STIM1: variants seen among roughly 807,000 people sequenced by gnomAD.
STIM1 encodes the protein stromal interaction molecule 1.
In STIM1, 25 loss-of-function variants were observed where a neutral mutation model predicts 74.7. The ratio of observed to expected loss-of-function variants is 0.33; its 90% CI spans 0.24 to 0.47. STIM1 has a LOEUF of 0.47. Ranked by LOEUF, STIM1 falls within the 20% of genes least tolerant of loss-of-function variation. STIM1 has a pLI of 1.00. For missense variants in STIM1, 728 were observed against 920.8 expected, an observed-to-expected ratio of 0.79 and a Z score of 2.71; for synonymous variants, 328 against 348.8, an observed-to-expected ratio of 0.94 and a Z score of 0.66.
At chr11:3,863,219 C>CGT (rs1565093734) in intron 1 of STIM1, among the ~76,000 whole-genome samples, 4 of 103,854 alleles carry the variant, frequency 3.9e-5, no homozygotes, top group African/African-American at 4.0e-5. Flanking sequence ...TGAGACAATG[C>CGT]ATGTGTGTGT....
At chr11:3,966,733 A>G (rs2093343927) in intron 1 of STIM1, among the ~76,000 whole-genome samples, 1 of 152,216 alleles carries the variant, frequency 6.6e-6, no homozygotes, top group African/African-American at 2.4e-5. Context: ...CCTAGATCAT[A>G]TGGTAGAGCT....
In STIM1 at chr11:3,878,663, T is replaced by G. The variant is rs148648451; in HGVS notation, c.139+22254T>G. On this transcript the variant is annotated intron_variant, in intron 1 of 12. Coordinates refer to ENST00000526596, the MANE Select transcript of STIM1 (RefSeq NM_001382567.1). ...GCAAATGGAAGAGCTGGGATTCAAATGCAGAGTCATGAGAGCAGGGCTTAT... is the reference window on the plus strand; with the variant it reads ...GCAAATGGAAGAGCTGGGATTCAAAGGCAGAGTCATGAGAGCAGGGCTTAT... 5.1e-3 allele frequency among the ~76,000 whole-genome samples: 779 copies of G among 152,308 alleles called. 4 individuals carry two copies. The highest frequency in any genetic ancestry group is 9.3e-3 in the Admixed American group (142 of 15,304).
intron 1 of STIM1, among the ~76,000 whole-genome samples, chr11:3,917,706 CT>C (rs1031791352): frequency 1.3e-5 from 2 of 152,024 alleles, no homozygotes; most frequent in African/African-American, 4.8e-5. Flanking sequence ...AGTGTTGGGA[CT>C]GCAGGTGTGA....
chr11:4,082,415 T>G (rs939119080), intron 8 of STIM1, 64 bp downstream of exon 8: 1 of 1,474,606 alleles, frequency 6.8e-7, no homozygotes, highest in Non-Finnish European at 9.3e-7. Flanking sequence ...TACCTGCATA[T>G]CTTCCTCTTC....
intron 1 of STIM1, among the ~76,000 whole-genome samples, chr11:3,919,235 C>A (rs545329860): frequency 3.9e-5 from 6 of 152,152 alleles, no homozygotes; most frequent in African/African-American, 1.4e-4. Flanking sequence ...GATGGAGTTT[C>A]GCTCTTACTG....
At chr11:3,877,095 C>T (rs533555165) in intron 1 of STIM1, among the ~76,000 whole-genome samples, 21 of 144,488 alleles carry the variant, frequency 1.5e-4, no homozygotes, top group South Asian at 4.3e-4. Flanking sequence ...TTACAGTAAG[C>T]GCTTAAGGAA....
chr11:3,876,197 T>C (rs1314830470), intron 1 of STIM1, among the ~76,000 whole-genome samples: 3 of 152,250 alleles, frequency 2.0e-5, no homozygotes, highest in African/African-American at 7.2e-5. Flanking sequence ...ATTGTCATAC[T>C]TAGTGGGTGG....
intron 1 of STIM1, among the ~76,000 whole-genome samples, chr11:3,889,351 G>A (rs557835630): frequency 3.7e-4 from 56 of 150,266 alleles, no homozygotes; most frequent in African/African-American, 1.1e-3. Context: ...TGTGTTAAGT[G>A]CTTTCACAGA....
chr11:3,997,358 TTTA>T (rs1237298618), intron 2 of STIM1, among the ~76,000 whole-genome samples: 3 of 152,204 alleles, frequency 2.0e-5, no homozygotes, highest in African/African-American at 7.2e-5. Flanking sequence ...GACACTATAA[TTTA>T]TTAAGTGGAT....
chr11:3,993,167 C>A (rs1352103275), intron 2 of STIM1, among the ~76,000 whole-genome samples: 1 of 152,064 alleles, frequency 6.6e-6, no homozygotes, highest in Admixed American at 6.6e-5. Flanking sequence ...TAGCAAGGCC[C>A]TCTGTGATCT....
At chr11:3,943,015 A>G (rs2093029573) in intron 1 of STIM1, among the ~76,000 whole-genome samples, 1 of 152,166 alleles carries the variant, frequency 6.6e-6, no homozygotes, top group South Asian at 2.1e-4. Flanking sequence ...ATCATTGTTA[A>G]AGCAACCAGG....
chr11:4,061,891 A>G (rs10835557), intron 5 of STIM1, among the ~76,000 whole-genome samples: 37,615 of 152,136 alleles, frequency 0.25, 5,655 homozygotes, highest in South Asian at 0.44. Context: ...ACAAAAGATC[A>G]CATATTATAT....
chr11:4,059,432 A>G lies in STIM1; in HGVS notation c.613+36A>G, dbSNP rs772409394. 5.0e-6 allele frequency: 8 copies of G among 1,585,460 alleles called. No homozygotes were observed. The Admixed American group carries it at 8.4e-5, about 17-fold the overall frequency. ...TGTTGAGAAGGGCTACTGCTGTGCC[A>G]TGGAAACCAAAGCTGTTGTAGTGGA... On this transcript the variant is annotated intron_variant, in intron 5 of 12. Coordinates refer to ENST00000526596, the MANE Select transcript of STIM1 (RefSeq NM_001382567.1).
Position 4,000,570 on chromosome 11 carries a change from C to G in STIM1, c.271-23303C>G, listed in dbSNP as rs560251732. Reference sequence around the variant, plus strand: ...CTAACAAACAGAAAGGACATCCACACCAAAAACCCATCTGTACATCACCAT... The same window carrying G: ...CTAACAAACAGAAAGGACATCCACAGCAAAAACCCATCTGTACATCACCAT... On this transcript the variant is annotated intron_variant, in intron 2 of 12. Transcript: ENST00000526596. 2.0e-3 allele frequency among the ~76,000 whole-genome samples: 302 copies of G among 151,068 alleles called. 1 individual carries two copies. Among genetic ancestry groups the G allele is most frequent in the African/African-American group, 6.3e-3 (261 of 41,302 alleles).
At chr11:3,900,202 A>G (rs1242944944) in intron 1 of STIM1, among the ~76,000 whole-genome samples, 2 of 152,120 alleles carry the variant, frequency 1.3e-5, no homozygotes, top group East Asian at 3.9e-4. Context: ...TGTGCTAGCA[A>G]TCAGCAAGAC....
chr11:4,076,440 A>G (rs1054052415), intron 7 of STIM1, among the ~76,000 whole-genome samples: 1 of 133,454 alleles, frequency 7.5e-6, no homozygotes, highest in South Asian at 2.7e-4. Context: ...GAGCCAAGAT[A>G]GTGCCACTGC....
intron 1 of STIM1, among the ~76,000 whole-genome samples, chr11:3,897,549 A>G (rs1030543628): frequency 2.0e-5 from 3 of 151,916 alleles, no homozygotes; most frequent in African/African-American, 7.3e-5. Flanking sequence ...TTTAGGGTAC[A>G]TGTGTACAAT....
At chr11:3,994,192 T>G (rs190938221) in intron 2 of STIM1, among the ~76,000 whole-genome samples, 113 of 152,334 alleles carry the variant, frequency 7.4e-4, no homozygotes, top group Non-Finnish European at 1.5e-3. Context: ...CCCATTGTCT[T>G]CTGGCATCCA....
At chr11:4,054,553 C>A (rs1281769625) in intron 3 of STIM1, among the ~76,000 whole-genome samples, 1 of 152,078 alleles carries the variant, frequency 6.6e-6, no homozygotes, top group Non-Finnish European at 1.5e-5. Context: ...GGAGTGCGAA[C>A]CCTATTATGA....
Sources: gnomAD v4.1 joint callset for allele counts (sites outside exome capture counted in the v4.1 genomes callset) on GRCh38, gnomAD v4.1.1 for gene constraint, MANE v1.5 for transcripts, NCBI Gene and HGNC (gene_info 2026-07-23, HGNC 2026-07-21) for gene names.